MTX2: variants seen among roughly 807,000 people sequenced by gnomAD.
The protein encoded by MTX2 is metaxin-2.
MTX2 carries 35 observed loss-of-function variants against 42.3 expected under a neutral mutation model. That is an observed-to-expected ratio of 0.83 (90% CI 0.63 to 1.10). The LOEUF (loss-of-function observed/expected upper bound fraction) is 1.10. MTX2 is among the 50% of genes least tolerant of loss of function. The pLI, the probability that MTX2 is intolerant of heterozygous loss-of-function variation, is 0.00. For missense variants in MTX2, 307 were observed against 304.1 expected, an observed-to-expected ratio of 1.01 and a Z score of -0.07; for synonymous variants, 119 against 100.9, an observed-to-expected ratio of 1.18 and a Z score of -1.08.
chr2:176,327,747 C>T (rs1684744069), intron 5 of MTX2, among the ~76,000 whole-genome samples: 1 of 150,268 alleles, frequency 6.7e-6, no homozygotes, highest in African/African-American at 2.4e-5. Flanking sequence ...GGTATTGGTA[C>T]CTTAGGATAA....
intron 3 of MTX2, among the ~76,000 whole-genome samples, chr2:176,301,160 CAG>C (rs1321573753): frequency 2.0e-5 from 3 of 152,052 alleles, no homozygotes; most frequent in Admixed American, 6.6e-5. Flanking sequence ...TATTTTAAAA[CAG>C]TATTTATTGA....
intron 9 of MTX2, among the ~76,000 whole-genome samples, chr2:176,332,720 G>A (rs1684891553): frequency 6.6e-6 from 1 of 151,300 alleles, no homozygotes; most frequent in Non-Finnish European, 1.5e-5. Flanking sequence ...CTAAAGATAA[G>A]TGATTAGGAT....
chr2:176,273,913 TAA>T (rs35060266), intron 1 of MTX2, among the ~76,000 whole-genome samples: 7 of 145,118 alleles, frequency 4.8e-5, no homozygotes, highest in Admixed American at 2.1e-4. Context: ...TAATTTTCCT[TAA>T]AAAAAAAAAA....
intron 3 of MTX2, among the ~76,000 whole-genome samples, chr2:176,316,908 T>G (rs1293132816): frequency 7.2e-5 from 11 of 152,088 alleles, no homozygotes; most frequent in South Asian, 2.1e-4. Flanking sequence ...ACATTTCTAG[T>G]TCAAAGGATA....
intron 5 of MTX2, 28 bp downstream of exon 5, chr2:176,326,929 A>G: frequency 7.7e-7 from 1 of 1,304,580 alleles, no homozygotes; most frequent in Admixed American, 2.1e-5. Context: ...AATGTATTTG[A>G]TCAGTTACCA....
At chr2:176,280,707 T>C (rs977454171) in intron 1 of MTX2, among the ~76,000 whole-genome samples, 1 of 152,232 alleles carries the variant, frequency 6.6e-6, no homozygotes, top group Non-Finnish European at 1.5e-5. Flanking sequence ...CTGTGGCACA[T>C]AGACTAAGCC....
At chr2:176,295,966 T>C (rs546182112) in intron 1 of MTX2, among the ~76,000 whole-genome samples, 9 of 152,272 alleles carry the variant, frequency 5.9e-5, no homozygotes, top group African/African-American at 1.7e-4. Context: ...TTAAAATGGG[T>C]GATTCTGATG....
At chr2:176,333,618 G>T (rs144304181) in intron 9 of MTX2, among the ~76,000 whole-genome samples, 274 of 151,740 alleles carry the variant, frequency 1.8e-3, no homozygotes, top group African/African-American at 5.8e-3. Context: ...TGCTTTAAAG[G>T]TTAGTGTGTG....
chr2:176,271,669 C>G (rs558131776), intron 1 of MTX2, among the ~76,000 whole-genome samples: 1 of 152,176 alleles, frequency 6.6e-6, no homozygotes, highest in East Asian at 1.9e-4. Flanking sequence ...ACTATTGGGT[C>G]TGTAAGTTAG....
Position 176,269,460 on chromosome 2 carries a change from C to G in MTX2, c.-170C>G. On this transcript the variant is annotated 5_prime_UTR_variant, in exon 1 of 10. Coordinates refer to ENST00000249442, the MANE Select transcript of MTX2 (RefSeq NM_006554.5). The stretch of plus-strand genomic sequence containing the variant: ...GCCGGAAGTCCCTAGCCAGGCCTGG[C>G]GGTAACCTTGGGGGCCTCACTGCAG... 5.9e-6 allele frequency: 4 copies of G among 677,682 alleles called. No homozygotes were observed. The South Asian group carries it at 8.8e-5, about 15-fold the overall frequency. The allele number at this position is 677,682 out of a possible 1,614,324, so 42.0% of individuals were successfully genotyped here. A position where few individuals can be genotyped will look rare whatever the true frequency, so the allele number is the denominator to read the frequency against.
At chr2:176,286,092 TG>T (rs1436569389) in intron 1 of MTX2, among the ~76,000 whole-genome samples, 1 of 152,226 alleles carries the variant, frequency 6.6e-6, no homozygotes. Flanking sequence ...ATGGTGGTTT[TG>T]GTTTGCATTT....
chr2:176,312,103 A>T (rs1051586845), intron 3 of MTX2, among the ~76,000 whole-genome samples: 1 of 152,220 alleles, frequency 6.6e-6, no homozygotes, highest in Non-Finnish European at 1.5e-5. Context: ...AGCAGTATCA[A>T]CGTATTGATA....
chr2:176,277,717 T>C (rs1298160947), intron 1 of MTX2, among the ~76,000 whole-genome samples: 3 of 152,106 alleles, frequency 2.0e-5, no homozygotes, highest in Non-Finnish European at 4.4e-5. Context: ...TCTTTTGCTC[T>C]TGAAAATAAA....
intron 3 of MTX2, among the ~76,000 whole-genome samples, chr2:176,299,711 T>C (rs1683977195): frequency 6.6e-6 from 1 of 152,126 alleles, no homozygotes; most frequent in East Asian, 1.9e-4. Context: ...AATTTTCTTC[T>C]ATATAGTGGG....
At chr2:176,299,486 A>G (rs935235797) in intron 3 of MTX2, among the ~76,000 whole-genome samples, 1 of 152,152 alleles carries the variant, frequency 6.6e-6, no homozygotes, top group African/African-American at 2.4e-5. Flanking sequence ...CATAGTTGCA[A>G]TTAAAAATAA....
chr2:176,333,292 T>C (rs556882329), intron 9 of MTX2, among the ~76,000 whole-genome samples: 5 of 151,572 alleles, frequency 3.3e-5, no homozygotes, highest in African/African-American at 4.8e-5. Context: ...CTTCACGTGA[T>C]ATAGCAAGAT....
chr2:176,288,456 T>G (rs1284527847), intron 1 of MTX2, among the ~76,000 whole-genome samples: 2 of 152,044 alleles, frequency 1.3e-5, no homozygotes, highest in Admixed American at 1.3e-4. Flanking sequence ...TTTGAACATT[T>G]TGTTATATTA....
chr2:176,273,648 C>A (rs770511508), intron 1 of MTX2, among the ~76,000 whole-genome samples: 1 of 152,138 alleles, frequency 6.6e-6, no homozygotes, highest in Non-Finnish European at 1.5e-5. Context: ...TCTCTGAACT[C>A]CCCAGTTTAA....
In MTX2 at chr2:176,277,152, T is replaced by C. The variant is rs115587307; in HGVS notation, c.40+7483T>C. Among the ~76,000 whole-genome samples, 878 of 152,356 alleles carry C rather than the reference T, an allele frequency of 5.8e-3. 3 individuals are homozygous for C. The highest frequency in any genetic ancestry group is 0.02 in the African/African-American group (827 of 41,582). ...GTATGTTTTTAAAAATTTGTTTTTA[T>C]ATTGGTAATAAAGTGTTTTCATTCC... On this transcript the variant is annotated intron_variant, in intron 1 of 9. Transcript: ENST00000249442.
Sources: gnomAD v4.1 joint callset for allele counts (sites outside exome capture counted in the v4.1 genomes callset) on GRCh38, gnomAD v4.1.1 for gene constraint, MANE v1.5 for transcripts, NCBI Gene and HGNC (gene_info 2026-07-23, HGNC 2026-07-21) for gene names.